Variants in SLC6A11 observed in about 807,000 individuals in gnomAD.
The protein encoded by SLC6A11 is sodium- and chloride-dependent GABA transporter 3.
SLC6A11 carries 25 observed loss-of-function variants against 74.8 expected under a neutral mutation model. The observed-to-expected ratio is 0.33, with a 90% CI of 0.24 to 0.47. The LOEUF (loss-of-function observed/expected upper bound fraction) is 0.47. SLC6A11 is among the 20% of genes least tolerant of loss of function. The pLI is 1.00. For missense variants in SLC6A11, 574 were observed against 837.0 expected, an observed-to-expected ratio of 0.69 and a Z score of 3.88; for synonymous variants, 330 against 330.2, an observed-to-expected ratio of 1.00 and a Z score of 0.01.
intron 6 of SLC6A11, among the ~76,000 whole-genome samples, chr3:10,900,122 T>C (rs973095270): frequency 7.9e-5 from 12 of 152,228 alleles, no homozygotes; most frequent in Non-Finnish European, 1.2e-4. Flanking sequence ...GTAGTTCCCT[T>C]ATTTTACAAG....
intron 5 of SLC6A11, among the ~76,000 whole-genome samples, chr3:10,844,672 G>C (rs1020951129): frequency 6.6e-6 from 1 of 152,180 alleles, no homozygotes; most frequent in Admixed American, 6.5e-5. Context: ...CTACTACAAG[G>C]GTTCTTTGGT....
At chr3:10,927,757 A>T (rs1380927612) in intron 9 of SLC6A11, among the ~76,000 whole-genome samples, 2 of 152,158 alleles carry the variant, frequency 1.3e-5, no homozygotes, top group Non-Finnish European at 2.9e-5. Flanking sequence ...TGGGCTAGTC[A>T]CCTCGCCTCT....
At chr3:10,879,256 A>C (rs937982797) in intron 6 of SLC6A11, among the ~76,000 whole-genome samples, 49 of 152,132 alleles carry the variant, frequency 3.2e-4, no homozygotes, top group African/African-American at 6.0e-4. Flanking sequence ...TGTGTGTCCC[A>C]AAAGCAACTA....
chr3:10,903,388 C>A (rs559725851), intron 6 of SLC6A11, among the ~76,000 whole-genome samples: 4 of 152,224 alleles, frequency 2.6e-5, no homozygotes, highest in Admixed American at 2.6e-4. Flanking sequence ...CCTACTGCCA[C>A]TGAACTCACT....
Position 10,819,724 on chromosome 3 carries a change from C to T in SLC6A11, c.404C>T (p.Ala135Val). ...TTTGTCCTTTCAGGCATTGGCTATG[C>T]AACACAGGTGATTGAGGCCCATCTG... ...VCPLFEGIGY[A>V]TQVIEAHLNV... Residue 135 changes from alanine (A) to valine (V), a missense_variant, in exon 3 of 14, where the codon GCA becomes GTA. Transcript: ENST00000254488. 6.2e-7 allele frequency: 1 copy of T among 1,614,086 alleles called. No individual in the cohort carries two copies. Among genetic ancestry groups the T allele is most frequent in the Non-Finnish European group, 8.5e-7 (1 of 1,179,996 alleles).
chr3:10,881,266 AT>A (rs1694972146), intron 6 of SLC6A11, among the ~76,000 whole-genome samples: 1 of 152,104 alleles, frequency 6.6e-6, no homozygotes, highest in South Asian at 2.1e-4. Context: ...AAATATAAAA[AT>A]TAGCCAGATA....
rs556997524 is a variant in SLC6A11, at chr3:10,889,572, C to T, written c.891+14477C>T. 7.9e-5 allele frequency among the ~76,000 whole-genome samples: 12 copies of T among 152,342 alleles called. No individual in the cohort carries two copies. The East Asian group carries it at 2.3e-3, about 29-fold the overall frequency. On this transcript the variant is annotated intron_variant, in intron 6 of 13. Coordinates refer to ENST00000254488, the MANE Select transcript of SLC6A11 (RefSeq NM_014229.3). The stretch of plus-strand genomic sequence containing the variant: ...AGCCTTTTCAGAGGAGCTTCTGTCT[C>T]TAAAACCTTATTACTACTGAAAGTG...
intron 6 of SLC6A11, among the ~76,000 whole-genome samples, chr3:10,893,331 G>A (rs1695129484): frequency 6.6e-6 from 1 of 152,146 alleles, no homozygotes; most frequent in African/African-American, 2.4e-5. Flanking sequence ...CTCTTGACTC[G>A]TGGAAGACTT....
At chr3:10,898,251 C>G (rs1359641098) in intron 6 of SLC6A11, among the ~76,000 whole-genome samples, 1 of 152,208 alleles carries the variant, frequency 6.6e-6, no homozygotes, top group Admixed American at 6.5e-5. Context: ...TGGGGATTAA[C>G]ATTCGGCTCC....
chr3:10,868,457 A>G (rs1694790918), intron 5 of SLC6A11, among the ~76,000 whole-genome samples: 1 of 152,280 alleles, frequency 6.6e-6, no homozygotes, highest in African/African-American at 2.4e-5. Flanking sequence ...AGCGTCAATT[A>G]AAACAGGATA....
intron 13 of SLC6A11, 45 bp downstream of exon 13, chr3:10,935,244 G>A (rs369354937): frequency 1.3e-5 from 21 of 1,578,786 alleles, no homozygotes; most frequent in Non-Finnish European, 1.7e-5. Context: ...CAGGGTTCGC[G>A]CCTTGGGTCC....
At chr3:10,873,009 T>A (rs139364981) in intron 5 of SLC6A11, among the ~76,000 whole-genome samples, 1 of 151,832 alleles carries the variant, frequency 6.6e-6, no homozygotes, top group Non-Finnish European at 1.5e-5. Context: ...AACCAAGTGA[T>A]TGGAGGAGTG....
At chr3:10,833,652 C>G (rs1694327640) in intron 4 of SLC6A11, among the ~76,000 whole-genome samples, 1 of 152,194 alleles carries the variant, frequency 6.6e-6, no homozygotes, top group South Asian at 2.1e-4. Context: ...AATTTGAATC[C>G]TGCTGCTTCC....
intron 7 of SLC6A11, among the ~76,000 whole-genome samples, chr3:10,914,761 A>T (rs530984394): frequency 6.6e-6 from 1 of 152,318 alleles, no homozygotes; most frequent in East Asian, 1.9e-4. Flanking sequence ...AGATAGGAAG[A>T]ACAGCACATG....
At chr3:10,920,383 C>T (rs570348673) in intron 8 of SLC6A11, among the ~76,000 whole-genome samples, 5 of 152,282 alleles carry the variant, frequency 3.3e-5, no homozygotes, top group Admixed American at 2.0e-4. Flanking sequence ...TAGCTATAAG[C>T]GTGGTGATCA....
At position 10,929,368 on chromosome 3, in the gene SLC6A11, G is replaced by A. The variant is rs776441920; in HGVS notation, c.1371+29G>A. ...AGTGGCATGGTTCGGGCCGCACGGG[G>A]TGAAGTGGGTGTGTGACGTCAACTC... On this transcript the variant is annotated intron_variant, in intron 10 of 13. Coordinates refer to ENST00000254488, the MANE Select transcript of SLC6A11 (RefSeq NM_014229.3). 2.7e-5 allele frequency: 44 copies of A among 1,609,516 alleles called. No individual in the cohort carries two copies. The African/African-American group carries it at 4.0e-4, about 15-fold the overall frequency.
intron 6 of SLC6A11, among the ~76,000 whole-genome samples, chr3:10,878,100 T>G (rs1225066881): frequency 6.6e-6 from 1 of 152,196 alleles, no homozygotes; most frequent in East Asian, 1.9e-4. Flanking sequence ...AGGGATCTTT[T>G]TGAAATGTAA....
In SLC6A11 at chr3:10,858,757, G is replaced by A. The variant is rs534334981; in HGVS notation, c.756+14411G>A. Among the ~76,000 whole-genome samples the A allele has an allele frequency of 7.2e-5, 11 of 152,250 alleles. No individual in the cohort carries two copies. The South Asian group carries it at 8.3e-4, about 11-fold the overall frequency. ...ATTTAATACTGAGTTATTGTTTTAC[G>A]GAGCTATGTGCCTTCAAATTAATTC... On this transcript the variant is annotated intron_variant, in intron 5 of 13. Transcript: ENST00000254488.
intron 6 of SLC6A11, among the ~76,000 whole-genome samples, chr3:10,891,873 C>T (rs1695111114): frequency 6.6e-6 from 1 of 152,200 alleles, no homozygotes; most frequent in South Asian, 2.1e-4. Context: ...CTCTGGGCTT[C>T]CATGTTAATA....
Sources: allele counts gnomAD v4.1 joint callset (sites outside exome capture counted in the v4.1 genomes callset), GRCh38; gene constraint gnomAD v4.1.1; transcripts MANE v1.5; gene names NCBI Gene and HGNC (gene_info 2026-07-23, HGNC 2026-07-21).